The following SEPTIN9 variants were observed in gnomAD, a reference collection of about 807,000 sequenced individuals.
SEPTIN9 encodes the protein septin-9.
In SEPTIN9, 13 loss-of-function variants were observed where a neutral mutation model predicts 56.6. The observed-to-expected ratio is 0.23, with a 90% CI of 0.15 to 0.37. The LOEUF (loss-of-function observed/expected upper bound fraction) is 0.37. SEPTIN9 is among the 10% of genes least tolerant of loss of function. The pLI, the probability that SEPTIN9 is intolerant of heterozygous loss-of-function variation, is 1.00. For synonymous variants in SEPTIN9, 332 were observed against 334.1 expected (o/e 0.99, Z 0.07); for missense variants, 650 against 823.1 (o/e 0.79, Z 2.57).
intron 1 of SEPTIN9, chr17:77,288,001 G>A (rs2143496005): frequency 1.9e-6 from 2 of 1,059,614 alleles, no homozygotes; most frequent in South Asian, 9.1e-5. Flanking sequence ...TTGTGTCTGG[G>A]TGAGAGGAAC....
rs1310991758 is a variant in SEPTIN9 at position 77,475,636 on chromosome 17, G to A, written c.722-6508G>A. The A allele has an allele frequency of 6.2e-7, 1 of 1,613,832 alleles. No individual in the cohort carries two copies. The highest frequency in any genetic ancestry group is 8.5e-7 in the Non-Finnish European group (1 of 1,179,874). On this transcript the variant is annotated intron_variant, in intron 3 of 11. Coordinates refer to ENST00000427177, the MANE Select transcript of SEPTIN9 (RefSeq NM_001113491.2). The surrounding 1 kb of genome is among the most constrained non-coding windows in gnomAD (Gnocchi z 4.6). ...GGGAGGGCAGCTGGAGGCTGCTCCAGTGTGCATTGTTACGAGGCAAAGTAA... is the reference window on the plus strand; with the variant it reads ...GGGAGGGCAGCTGGAGGCTGCTCCAATGTGCATTGTTACGAGGCAAAGTAA...
At chr17:77,494,382 A>G (rs1818207867) in intron 10 of SEPTIN9, among the ~76,000 whole-genome samples, 1 of 152,200 alleles carries the variant, frequency 6.6e-6, no homozygotes, top group Non-Finnish European at 1.5e-5. Context: ...GAAGGTGCAG[A>G]GGGAAATGCA....
intron 3 of SEPTIN9, among the ~76,000 whole-genome samples, chr17:77,466,753 T>C (rs2038752994): frequency 6.6e-6 from 1 of 152,178 alleles, no homozygotes; most frequent in South Asian, 2.1e-4. Flanking sequence ...ATTACTTTGC[T>C]CTGATTTCAG....
At chr17:77,307,046 G>A in intron 1 of SEPTIN9, 95 bp from the exon 2 acceptor site, 11 of 1,192,540 alleles carry the variant, frequency 9.2e-6, no homozygotes, top group Non-Finnish European at 1.4e-5. Flanking sequence ...CTCACAGCAG[G>A]AGCAAAGGCG....
intron 1 of SEPTIN9, among the ~76,000 whole-genome samples, chr17:77,305,772 C>T (rs1191413243): frequency 9.9e-5 from 15 of 151,442 alleles, no homozygotes; most frequent in Admixed American, 7.3e-4. Context: ...CTGCTGGACA[C>T]GAAGGCCAGA....
At chr17:77,373,460 C>T (rs1330104961) in intron 2 of SEPTIN9, 2 of 1,514,368 alleles carry the variant, frequency 1.3e-6, no homozygotes, top group Admixed American at 2.1e-5. Context: ...CGCTTCCTCG[C>T]CGCTGCCCTC....
At chr17:77,343,416 G>A (rs1329641216) in intron 2 of SEPTIN9, among the ~76,000 whole-genome samples, 1 of 152,206 alleles carries the variant, frequency 6.6e-6, no homozygotes, top group Non-Finnish European at 1.5e-5. Flanking sequence ...GAAGCTCCAT[G>A]CCGCTTCCTT....
Position 77,313,264 on chromosome 17 carries a change from A to G in SEPTIN9, c.76+6067A>G, listed in dbSNP as rs952052514. Among the ~76,000 whole-genome samples the G allele has an allele frequency of 1.3e-5, 2 of 152,228 alleles. No individual in the cohort carries two copies. Among genetic ancestry groups the G allele is most frequent in the African/African-American group, 4.8e-5 (2 of 41,458 alleles). On this transcript the variant is annotated intron_variant, in intron 2 of 11. Transcript: ENST00000427177. The surrounding 1 kb of genome is among the most constrained non-coding windows in gnomAD (Gnocchi z 4.5). ...CCAGCTCCAGCTCCTGTCAGGCTAC[A>G]GCCCAGATGGTTGGCTGAGCACGAG...
intron 10 of SEPTIN9, among the ~76,000 whole-genome samples, chr17:77,493,561 G>C (rs312799): frequency 0.5 from 75,847 of 151,798 alleles, 19,515 homozygotes; most frequent in Middle Eastern, 0.65. Context: ...CAACACAAAC[G>C]TATTTTCACA....
At chr17:77,343,025 C>CTATCTATT (rs2033786271) in intron 2 of SEPTIN9, among the ~76,000 whole-genome samples, 3 of 150,812 alleles carry the variant, frequency 2.0e-5, no homozygotes, top group Admixed American at 2.0e-4. Context: ...ATCTATCTAT[C>CTATCTATT]TATCTATCTA....
Position 77,436,812 on chromosome 17 carries a change from A to G in SEPTIN9, c.721+34109A>G, listed in dbSNP as rs1462087353. ...TGCCCATTCTGGCCCTGGTAAGGAC[A>G]CCCAGGAGAGGGCCAGGGTGCCTGT... is the stretch of plus-strand genomic sequence containing the variant. On this transcript the variant is annotated intron_variant, in intron 3 of 11. Transcript: ENST00000427177. This position sits in a 1 kb window ranked among gnomAD's most constrained non-coding sequence, Gnocchi z 4.4. Among the ~76,000 whole-genome samples the G allele has an allele frequency of 6.6e-6, 1 of 152,208 alleles. No homozygotes were observed. The highest frequency in any genetic ancestry group is 1.5e-5 in the Non-Finnish European group (1 of 68,042).
At chr17:77,417,357 A>G (rs7224442) in intron 3 of SEPTIN9, among the ~76,000 whole-genome samples, 56,900 of 152,044 alleles carry the variant, frequency 0.37, 11,218 homozygotes, top group African/African-American at 0.43. Flanking sequence ...AGAGGAGGCC[A>G]CAGGTGCAAG....
At chr17:77,488,920 C>T (rs2039913264) in intron 7 of SEPTIN9, 56 bp downstream of exon 7, 1 of 1,603,292 alleles carries the variant, frequency 6.2e-7, no homozygotes, top group Non-Finnish European at 8.5e-7. Context: ...TCCCTCTGTC[C>T]CCTGGGACTG....
chr17:77,410,131 G>A (rs2036241112), intron 3 of SEPTIN9, among the ~76,000 whole-genome samples: 1 of 152,168 alleles, frequency 6.6e-6, no homozygotes, highest in African/African-American at 2.4e-5. Flanking sequence ...CCAGGGCTGA[G>A]CTTCCTTCCC....
rs777846336 is a variant in SEPTIN9 at position 77,475,197 on chromosome 17, TG to T, written c.722-6946del. The T allele has an allele frequency of 8.2e-7, 1 of 1,212,856 alleles. No individual in the cohort carries two copies. The highest frequency in any genetic ancestry group is 1.0e-6 in the Non-Finnish European group (1 of 969,134). 75.1% of individuals were successfully genotyped at this position (1,212,856 alleles called of 1,614,324 possible). ...ATGAGGTGTCTGGCTTCACAAACCC[TG>T]TGTGGGGGGGTTGTGGTGAGAGGAA... On this transcript the variant is annotated intron_variant, in intron 3 of 11. Transcript: ENST00000427177. This position sits in a 1 kb window ranked among gnomAD's most constrained non-coding sequence, Gnocchi z 4.6.
At chr17:77,350,380 G>A (rs1056542268) in intron 2 of SEPTIN9, among the ~76,000 whole-genome samples, 9 of 152,198 alleles carry the variant, frequency 5.9e-5, no homozygotes, top group African/African-American at 1.9e-4. Flanking sequence ...AAGGAGAGGT[G>A]GTCCTAGCTG....
intron 3 of SEPTIN9, among the ~76,000 whole-genome samples, chr17:77,407,699 C>T (rs1176766389): frequency 1.3e-5 from 2 of 152,202 alleles, no homozygotes; most frequent in Non-Finnish European, 2.9e-5. Flanking sequence ...GAGGTCTGAG[C>T]TTTATGCTGG....
At chr17:77,494,625 C>T (rs1028585165) in intron 10 of SEPTIN9, among the ~76,000 whole-genome samples, 1 of 152,254 alleles carries the variant, frequency 6.6e-6, no homozygotes, top group Admixed American at 6.5e-5. Flanking sequence ...ATCAGACACT[C>T]CTGTGCCACT....
intron 11 of SEPTIN9, among the ~76,000 whole-genome samples, chr17:77,498,168 C>T (rs2040352437): frequency 6.6e-6 from 1 of 152,022 alleles, no homozygotes; most frequent in Admixed American, 6.5e-5. Context: ...GCACCCTGGA[C>T]ACCGGCCTGG....
Sources: gnomAD v4.1 joint callset for allele counts (sites outside exome capture counted in the v4.1 genomes callset) on GRCh38, gnomAD v4.1.1 for gene constraint, Gnocchi (gnomAD v3.1) non-coding constraint, MANE v1.5 for transcripts, NCBI Gene and HGNC (gene_info 2026-07-23, HGNC 2026-07-21) for gene names.